Variants in RGSL1 observed in about 807,000 individuals in gnomAD.
The protein encoded by RGSL1 is regulator of G protein signaling like 1.
In RGSL1, 97 loss-of-function variants were observed where a neutral mutation model predicts 124.7. The ratio of observed to expected loss-of-function variants is 0.78; its 90% CI spans 0.66 to 0.92. The LOEUF is 0.92. RGSL1 is among the 40% of genes least tolerant of loss of function. The pLI is 0.00. For synonymous variants in RGSL1, 424 were observed against 438.1 expected (o/e 0.97, Z 0.40); for missense variants, 1,233 against 1,288.4 (o/e 0.96, Z 0.66).
intron 19 of RGSL1, 74 bp downstream of exon 19, chr1:182,553,615 T>G: frequency 6.7e-5 from 85 of 1,261,280 alleles, no homozygotes; most frequent in Non-Finnish European, 9.1e-5. Context: ...GCTTGGCCAA[T>G]CCCCTTATTG....
intron 15 of RGSL1, among the ~76,000 whole-genome samples, chr1:182,546,185 T>C (rs1365470015): frequency 6.7e-6 from 1 of 148,516 alleles, no homozygotes; most frequent in East Asian, 1.9e-4. Context: ...GTACTATTTG[T>C]TTGTTTTGAG....
At chr1:182,495,694 C>A (rs1558308055) in intron 9 of RGSL1, among the ~76,000 whole-genome samples, 1 of 152,182 alleles carries the variant, frequency 6.6e-6, no homozygotes, top group African/African-American at 2.4e-5. Context: ...TTTATTTTCA[C>A]CAAGATATTG....
chr1:182,479,733 C>T (rs1654551868), intron 6 of RGSL1, among the ~76,000 whole-genome samples: 1 of 152,026 alleles, frequency 6.6e-6, no homozygotes, highest in Admixed American at 6.6e-5. Flanking sequence ...CCCAAAGATA[C>T]AAAAGACTCA....
At chr1:182,448,645 G>C (rs1458096956), upstream of RGSL1, among the ~76,000 whole-genome samples, 1 of 152,118 alleles carries the variant, frequency 6.6e-6, no homozygotes, top group Non-Finnish European at 1.5e-5. Flanking sequence ...GGCAATTTAG[G>C]TTTTTAACAA....
chr1:182,552,286 C>T (rs1209457422), intron 18 of RGSL1, among the ~76,000 whole-genome samples: 3 of 151,848 alleles, frequency 2.0e-5, no homozygotes, highest in African/African-American at 7.3e-5. Context: ...GCTAATTTTT[C>T]GTATTTTTAG....
intron 9 of RGSL1, among the ~76,000 whole-genome samples, chr1:182,503,082 T>C (rs186930742): frequency 4.7e-4 from 72 of 152,292 alleles, no homozygotes; most frequent in African/African-American, 1.7e-3. Flanking sequence ...ACAACCACTA[T>C]GGAGAACAAT....
At chr1:182,481,874 G>A (rs1379495672) in intron 6 of RGSL1, among the ~76,000 whole-genome samples, 1 of 152,054 alleles carries the variant, frequency 6.6e-6, no homozygotes, top group Non-Finnish European at 1.5e-5. Context: ...TAGCTACTTG[G>A]GATGCTGAGA....
intron 4 of RGSL1, among the ~76,000 whole-genome samples, 168 bp from the exon 5 acceptor site, chr1:182,472,228 C>T (rs1262059350): frequency 1.3e-5 from 2 of 152,168 alleles, no homozygotes; most frequent in East Asian, 3.9e-4. Context: ...CTCCAATTCT[C>T]CCCCACAGTA....
intron 9 of RGSL1, among the ~76,000 whole-genome samples, chr1:182,504,634 TG>T (rs1009994221): frequency 6.6e-6 from 1 of 152,110 alleles, no homozygotes; most frequent in African/African-American, 2.4e-5. Flanking sequence ...TGGTGTTGTT[TG>T]TTTATTTAGT....
intron 9 of RGSL1, among the ~76,000 whole-genome samples, chr1:182,519,464 T>C (rs1478487640): frequency 2.7e-5 from 4 of 146,324 alleles, no homozygotes; most frequent in African/African-American, 7.7e-5. Flanking sequence ...TTCATTGACA[T>C]TGCTTAGTAG....
chr1:182,544,677 T>C (rs138488451), intron 15 of RGSL1, among the ~76,000 whole-genome samples: 1 of 152,116 alleles, frequency 6.6e-6, no homozygotes, highest in Non-Finnish European at 1.5e-5. Flanking sequence ...GGTGCTCTCA[T>C]GTTGGATGCA....
At chr1:182,509,742 T>C (rs1406752046) in intron 9 of RGSL1, among the ~76,000 whole-genome samples, 6 of 124,550 alleles carry the variant, frequency 4.8e-5, no homozygotes, top group East Asian at 2.7e-4. Flanking sequence ...CCCTCCCGGA[T>C]GGCACGGCTG....
At chr1:182,555,458 GTTC>G (rs1558445514) in intron 20 of RGSL1, 1 of 155,814 alleles carries the variant, frequency 6.4e-6, no homozygotes. Flanking sequence ...AAGAAGATCT[GTTC>G]TTCTGCTTGG....
intron 19 of RGSL1, 101 bp downstream of exon 19, chr1:182,553,642 G>C: frequency 1.1e-6 from 1 of 951,630 alleles, no homozygotes; most frequent in Non-Finnish European, 1.6e-6. Context: ...AGGAGACTGA[G>C]ACCCCCAAAA....
chr1:182,488,004 G>C (rs1307225240), intron 6 of RGSL1, among the ~76,000 whole-genome samples: 1 of 152,174 alleles, frequency 6.6e-6, no homozygotes, highest in Non-Finnish European at 1.5e-5. Context: ...ATAATATGCA[G>C]ATGTTAAGTA....
chr1:182,457,719 C>G (rs1652461899), intron 2 of RGSL1, among the ~76,000 whole-genome samples: 1 of 152,210 alleles, frequency 6.6e-6, no homozygotes, highest in Admixed American at 6.5e-5. Flanking sequence ...CTTAAGTTTA[C>G]ATACCTGTAA....
chr1:182,454,622 GT>G (rs1652140685), intron 2 of RGSL1, among the ~76,000 whole-genome samples: 1 of 142,064 alleles, frequency 7.0e-6, no homozygotes, highest in East Asian at 2.1e-4. Context: ...GTGTGTGTGT[GT>G]GTGGCCCCCA....
intron 15 of RGSL1, among the ~76,000 whole-genome samples, chr1:182,542,631 C>G (rs1285883822): frequency 2.0e-5 from 3 of 151,960 alleles, no homozygotes; most frequent in Non-Finnish European, 4.4e-5. Context: ...AGGGATTGCA[C>G]TGAATCTATA....
At chr1:182,472,680 A>AGGCTAGT in intron 5 of RGSL1, 123 bp downstream of exon 5, 1 of 1,041,990 alleles carries the variant, frequency 9.6e-7, no homozygotes, top group Non-Finnish European at 1.3e-6. Context: ...TGTATCAGAG[A>AGGCTAGT]GGCTAGTGGC....
Sources: allele counts gnomAD v4.1 joint callset (sites outside exome capture counted in the v4.1 genomes callset), GRCh38; gene constraint gnomAD v4.1.1; transcripts MANE v1.5; gene names NCBI Gene and HGNC (gene_info 2026-07-23, HGNC 2026-07-21).